Variants in PDE1A observed in about 807,000 individuals in gnomAD.
PDE1A encodes phosphodiesterase 1A.
Under a neutral mutation model 61.7 loss-of-function variants are expected in PDE1A, and 35 were observed. The ratio of observed to expected loss-of-function variants is 0.57; its 90% CI spans 0.43 to 0.75. The LOEUF (loss-of-function observed/expected upper bound fraction) is 0.75. Ranked by LOEUF, PDE1A falls within the 30% of genes least tolerant of loss-of-function variation. The pLI is 0.00. For missense variants in PDE1A, 597 were observed against 630.6 expected, an observed-to-expected ratio of 0.95 and a Z score of 0.57; for synonymous variants, 232 against 213.2, an observed-to-expected ratio of 1.09 and a Z score of -0.77.
the PDE1A span, among the ~76,000 whole-genome samples, chr2:182,716,772 C>T: frequency 6.6e-6 from 1 of 152,136 alleles, no homozygotes; most frequent in African/African-American, 2.4e-5. Context: ...CATCTTTACC[C>T]CTCTCCCCTC....
intron 4 of PDE1A, among the ~76,000 whole-genome samples, chr2:182,232,531 T>C (rs1360914108): frequency 6.6e-6 from 1 of 152,172 alleles, no homozygotes; most frequent in Non-Finnish European, 1.5e-5. Context: ...CAAAAAATAA[T>C]AGTAAGAGCT....
At chr2:182,229,780 C>CT (rs10716042) in intron 6 of PDE1A, among the ~76,000 whole-genome samples, 166 of 139,324 alleles carry the variant, frequency 1.2e-3, no homozygotes, top group Non-Finnish European at 1.7e-3. Context: ...TTTTGGGAAA[C>CT]TTTTTTTTTT....
chr2:182,634,784 G>A, the PDE1A span, among the ~76,000 whole-genome samples: 2 of 92,652 alleles, frequency 2.2e-5, no homozygotes, highest in Non-Finnish European at 4.8e-5. Flanking sequence ...AATTTGCACT[G>A]GCAAAATATT....
intron 10 of PDE1A, among the ~76,000 whole-genome samples, chr2:182,190,967 G>GA (rs200473837): frequency 9.1e-4 from 136 of 149,176 alleles, no homozygotes; most frequent in Admixed American, 2.9e-3. Flanking sequence ...CCAAAAAAAA[G>GA]AAAAAAAAAT....
intron 1 of PDE1A, among the ~76,000 whole-genome samples, chr2:182,336,761 G>GTATA (rs200610428): frequency 6.5e-4 from 52 of 79,622 alleles, no homozygotes; most frequent in African/African-American, 1.6e-3. Flanking sequence ...AGAACTTAAA[G>GTATA]TATATATATA....
At chr2:182,510,071 ATATCAAAAATTTGCC>A (rs1689687063) in intron 2 of PDE1A, among the ~76,000 whole-genome samples, 1 of 152,140 alleles carries the variant, frequency 6.6e-6, no homozygotes, top group African/African-American at 2.4e-5. Context: ...ATAACTATAA[ATATCAAAAATTTGCC>A]TATCAAAAAT....
the PDE1A span, among the ~76,000 whole-genome samples, chr2:182,543,342 A>G: frequency 6.6e-6 from 1 of 152,340 alleles, no homozygotes; most frequent in Non-Finnish European, 1.5e-5. Context: ...TTGTAAGACA[A>G]AACCCTAATG....
intron 2 of PDE1A, among the ~76,000 whole-genome samples, chr2:182,256,083 CTTTCT>C (rs1691783435): frequency 5.7e-5 from 3 of 52,882 alleles, no homozygotes; most frequent in Non-Finnish European, 1.2e-4. Flanking sequence ...TTTTATTTTT[CTTTCT>C]TTTTTTTTTA....
Position 182,201,658 on chromosome 2 carries a change from A to AAAAAAC in PDE1A, c.1004+24_1004+29dup, listed in dbSNP as rs1553535434. 2.6e-6 allele frequency: 4 copies of AAAAAAC among 1,552,258 alleles called. No individual in the cohort carries two copies. The East Asian group carries it at 9.0e-5, about 35-fold the overall frequency. ...CTGGAACTTTAACATGACAAAAAAAAAAAAACAACAAAAAAAACACAAAAC... is the reference window on the plus strand; with the variant it reads ...CTGGAACTTTAACATGACAAAAAAAAAAAAACAAAAACAACAAAAAAAACACAAAAC... On this transcript the variant is annotated intron_variant, in intron 9 of 13. Coordinates refer to ENST00000351439, the Ensembl canonical transcript of PDE1A.
intron 1 of PDE1A, among the ~76,000 whole-genome samples, chr2:182,378,249 T>C (rs1700531806): frequency 6.6e-6 from 1 of 152,194 alleles, no homozygotes; most frequent in Admixed American, 6.5e-5. Flanking sequence ...GTTTGCATAA[T>C]GAGTCATTTC....
intron 1 of PDE1A, among the ~76,000 whole-genome samples, chr2:182,330,446 CCT>C (rs1419078986): frequency 2.0e-5 from 3 of 152,052 alleles, no homozygotes; most frequent in African/African-American, 7.2e-5. Context: ...ACTTCTTTCT[CCT>C]CTATCTTACT....
At chr2:182,453,030 T>A (rs923517174) in intron 2 of PDE1A, among the ~76,000 whole-genome samples, 1 of 152,252 alleles carries the variant, frequency 6.6e-6, no homozygotes, top group Middle Eastern at 3.4e-3. Context: ...ACCTTTCACC[T>A]TAAATGAAGA....
intron 13 of PDE1A, among the ~76,000 whole-genome samples, chr2:182,185,412 G>T (rs1296818451): frequency 6.6e-6 from 1 of 152,102 alleles, no homozygotes; most frequent in Non-Finnish European, 1.5e-5. Flanking sequence ...TTGCTGTGGT[G>T]GTTGATTACT....
chr2:182,428,800 A>C (rs1269759589), upstream of PDE1A, among the ~76,000 whole-genome samples: 1 of 152,170 alleles, frequency 6.6e-6, no homozygotes, highest in Non-Finnish European at 1.5e-5. Flanking sequence ...GGGAAAATTC[A>C]AGAAAATAAT....
chr2:182,292,201 T>TCG (rs763933735), intron 1 of PDE1A, among the ~76,000 whole-genome samples: 16 of 151,846 alleles, frequency 1.1e-4, no homozygotes, highest in African/African-American at 3.9e-4. Flanking sequence ...GACCAGAGGC[T>TCG]CTCTCTCTCT....
intron 2 of PDE1A, among the ~76,000 whole-genome samples, chr2:182,505,673 T>G (rs1214743767): frequency 6.6e-6 from 1 of 152,164 alleles, no homozygotes; most frequent in East Asian, 1.9e-4. Context: ...CACGCCAGTT[T>G]GAGGGTTCCA....
At chr2:182,587,146 A>G in the PDE1A span, among the ~76,000 whole-genome samples, 1 of 152,194 alleles carries the variant, frequency 6.6e-6, no homozygotes, top group Non-Finnish European at 1.5e-5. Context: ...GGTCAGCATT[A>G]TTGGGGCACA....
At chr2:182,677,206 C>T in the PDE1A span, among the ~76,000 whole-genome samples, 1 of 152,208 alleles carries the variant, frequency 6.6e-6, no homozygotes, top group East Asian at 1.9e-4. Context: ...TAAACAATGT[C>T]AGCAAAGCTT....
the PDE1A span, among the ~76,000 whole-genome samples, chr2:182,647,110 G>T: frequency 6.6e-6 from 1 of 152,132 alleles, no homozygotes; most frequent in African/African-American, 2.4e-5. Context: ...GGAACTGACC[G>T]AATTAGGATT....
Sources: allele counts gnomAD v4.1 joint callset (sites outside exome capture counted in the v4.1 genomes callset), GRCh38; gene constraint gnomAD v4.1.1; transcripts MANE v1.5; gene names NCBI Gene and HGNC (gene_info 2026-07-23, HGNC 2026-07-21).